The following RFX2 variants were observed in gnomAD, a reference collection of about 807,000 sequenced individuals.
RFX2 encodes regulatory factor X2.
Under a neutral mutation model 87.8 loss-of-function variants are expected in RFX2, and 20 were observed. That is an observed-to-expected ratio of 0.23 (90% CI 0.16 to 0.33). RFX2 has a LOEUF of 0.33. RFX2 is among the 10% of genes least tolerant of loss of function. The pLI is 1.00. For missense variants in RFX2, 767 were observed against 1,012.3 expected, an observed-to-expected ratio of 0.76 and a Z score of 3.29; for synonymous variants, 397 against 431.3, an observed-to-expected ratio of 0.92 and a Z score of 0.98.
intron 1 of RFX2, among the ~76,000 whole-genome samples, chr19:6,067,235 T>C (rs2087527521): frequency 1.3e-5 from 2 of 152,146 alleles, no homozygotes; most frequent in South Asian, 2.1e-4. Flanking sequence ...GTAAAATGAA[T>C]CATGGATTAA....
chr19:6,038,524 A>AC (rs1439939929), intron 5 of RFX2, among the ~76,000 whole-genome samples: 1 of 152,054 alleles, frequency 6.6e-6, no homozygotes, highest in African/African-American at 2.4e-5. Context: ...TCTGCAAAGG[A>AC]CACTTTTTAG....
intron 1 of RFX2, among the ~76,000 whole-genome samples, chr19:6,080,218 G>A (rs1408643051): frequency 6.6e-6 from 1 of 151,502 alleles, no homozygotes; most frequent in Admixed American, 6.6e-5. Context: ...GTGTGTGTGT[G>A]TGTGTGTGTG....
chr19:6,002,707 G>A lies in RFX2; in HGVS notation c.1650+14C>T. 6.2e-7 allele frequency: 1 copy of A among 1,612,838 alleles called. No individual in the cohort carries two copies. The highest frequency in any genetic ancestry group is 1.1e-5 in the South Asian group (1 of 91,018). ...GGGAAGCCCGGGCCCTGGGGACGGT[G>A]TGGAGGAAGTCACCTGCACGTTGGC... On this transcript the variant is annotated intron_variant, in intron 14 of 17. Transcript: ENST00000303657. This position sits in a 1 kb window ranked among gnomAD's most constrained non-coding sequence, Gnocchi z 6.7.
At chr19:6,019,512 ATGTGTGTGTGTGTGTGTGTG>A (rs147877773) in intron 6 of RFX2, among the ~76,000 whole-genome samples, 1 of 126,990 alleles carries the variant, frequency 7.9e-6, no homozygotes, top group East Asian at 2.2e-4. Flanking sequence ...GTGTGTGAGT[ATGTGTGTGTGTGTGTGTGTG>A]TGTGTGTGTG....
chr19:6,042,131 A>G lies in RFX2; in HGVS notation c.181-8T>C, dbSNP rs1296006347. ...GTGCTGCACCGGCTGCACCTGAAAC[A>G]TCGGATACGCTGCGTTACCGCCAGT... On this transcript the variant is annotated splice_polypyrimidine_tract_variant and splice_region_variant and intron_variant, in intron 3 of 17. Transcript: ENST00000303657. The G allele has an allele frequency of 6.2e-7, 1 of 1,613,364 alleles. No homozygotes were observed. The highest frequency in any genetic ancestry group is 8.5e-7 in the Non-Finnish European group (1 of 1,179,858).
chr19:6,091,126 G>A (rs959725090), intron 1 of RFX2, among the ~76,000 whole-genome samples: 2 of 152,180 alleles, frequency 1.3e-5, no homozygotes, highest in African/African-American at 4.8e-5. Context: ...GAATTAGAGA[G>A]TGATGATGGC....
At chr19:6,014,917 A>G (rs1282751526) in intron 7 of RFX2, among the ~76,000 whole-genome samples, 1 of 152,198 alleles carries the variant, frequency 6.6e-6, no homozygotes, top group Non-Finnish European at 1.5e-5. Flanking sequence ...CAACCCCACA[A>G]AAGCAGATGC....
rs1408766566 is a variant in RFX2, at chr19:6,002,266, T to G, written c.1651-243A>C. Among the ~76,000 whole-genome samples the G allele has an allele frequency of 2.0e-5, 3 of 152,234 alleles. No homozygotes were observed. The highest frequency in any genetic ancestry group is 7.2e-5 in the African/African-American group (3 of 41,462). ...TCTTTCTGGATCAAAGCTCATGCTATATGAGGTCTTTGTTTAGCTTTGTTT... is the reference window on the plus strand; with the variant it reads ...TCTTTCTGGATCAAAGCTCATGCTAGATGAGGTCTTTGTTTAGCTTTGTTT... On this transcript the variant is annotated intron_variant, in intron 14 of 17. Coordinates refer to ENST00000303657, the MANE Select transcript of RFX2 (RefSeq NM_000635.4). The surrounding 1 kb of genome is among the most constrained non-coding windows in gnomAD (Gnocchi z 6.7).
chr19:6,015,073 T>C (rs1568506979), intron 7 of RFX2, among the ~76,000 whole-genome samples: 2 of 152,138 alleles, frequency 1.3e-5, no homozygotes, highest in African/African-American at 4.8e-5. Flanking sequence ...CTGTGGCCTG[T>C]GATGTCCCGG....
intron 1 of RFX2, among the ~76,000 whole-genome samples, chr19:6,059,885 C>G (rs868815785): frequency 2.0e-5 from 3 of 152,258 alleles, no homozygotes; most frequent in South Asian, 2.1e-4. Context: ...TTTTCTTACT[C>G]CATACATTTT....
Position 6,004,166 on chromosome 19 carries a change from A to G in RFX2, c.1500+35T>C, listed in dbSNP as rs376319623. 52 of 1,519,588 alleles carry G rather than the reference A, an allele frequency of 3.4e-5. No homozygotes were observed. In the African/African-American group the frequency reaches 6.8e-4, roughly 20 times the overall value. 94.1% of individuals were successfully genotyped at this position (1,519,588 alleles called of 1,614,324 possible). A position where few individuals can be genotyped will look rare whatever the true frequency, so the allele number is the denominator to read the frequency against. On this transcript the variant is annotated intron_variant, in intron 13 of 17. Transcript: ENST00000303657. This position sits in a 1 kb window ranked among gnomAD's most constrained non-coding sequence, Gnocchi z 4.8. ...TCCTGGACTGGAGCCCCTCCCAGCC[A>G]TCGTTGGGGAGCCCAGGCCCCACCC...
At chr19:6,033,114 A>C (rs779093389) in intron 5 of RFX2, among the ~76,000 whole-genome samples, 3 of 152,232 alleles carry the variant, frequency 2.0e-5, no homozygotes, top group Middle Eastern at 3.4e-3. Flanking sequence ...AGCCACTGGG[A>C]TGACAGGCAT....
chr19:6,105,764 G>C (rs2088207004), intron 1 of RFX2, among the ~76,000 whole-genome samples: 1 of 152,110 alleles, frequency 6.6e-6, no homozygotes, highest in South Asian at 2.1e-4. Flanking sequence ...TTTGCTGATG[G>C]CTTGGGAGAG....
At position 6,027,715 on chromosome 19, in the gene RFX2, T is replaced by C. The variant is rs1275836752; in HGVS notation, c.523-1478A>G. ...TTTGGTCTATTAAAAAATACACTAT[T>C]ACAAAATTTTGAGATTTCACCACCC... On this transcript the variant is annotated intron_variant, in intron 5 of 17. Coordinates refer to ENST00000303657, the MANE Select transcript of RFX2 (RefSeq NM_000635.4). The surrounding 1 kb of genome is among the most constrained non-coding windows in gnomAD (Gnocchi z 5.0). Among the ~76,000 whole-genome samples, 1 of 152,206 alleles carries C rather than the reference T, an allele frequency of 6.6e-6. No homozygotes were observed. Among genetic ancestry groups the C allele is most frequent in the East Asian group, 1.9e-4 (1 of 5,192 alleles).
Position 6,047,126 on chromosome 19 carries a change from A to T in RFX2, c.90+281T>A, listed in dbSNP as rs1294017072. On this transcript the variant is annotated intron_variant, in intron 2 of 17. Coordinates refer to ENST00000303657, the MANE Select transcript of RFX2 (RefSeq NM_000635.4). This position sits in a 1 kb window ranked among gnomAD's most constrained non-coding sequence, Gnocchi z 4.2. ...AAAGGGTCATTTCCAAGTACAAGAA[A>T]ACCTCCACTGAAAGCTAAGAAGAGA... Among the ~76,000 whole-genome samples, 1 of 152,140 alleles carries T rather than the reference A, an allele frequency of 6.6e-6. No individual in the cohort carries two copies. The highest frequency in any genetic ancestry group is 1.9e-4 in the East Asian group (1 of 5,200).
In RFX2 at chr19:6,024,748, G is replaced by C. The variant is rs868464527; in HGVS notation, c.597+1415C>G. Among the ~76,000 whole-genome samples the C allele has an allele frequency of 1.3e-5, 2 of 151,332 alleles. No individual in the cohort carries two copies. The highest frequency in any genetic ancestry group is 4.9e-5 in the African/African-American group (2 of 41,026). ...ACGGGAGTGAGGACGGGATCACGGT[G>C]AGGACGGGAGTGAGGACGGGATCAC... On this transcript the variant is annotated intron_variant, in intron 6 of 17. Transcript: ENST00000303657. This position sits in a 1 kb window ranked among gnomAD's most constrained non-coding sequence, Gnocchi z 5.0.
chr19:6,086,828 T>C (rs953356044), intron 1 of RFX2, among the ~76,000 whole-genome samples: 3 of 152,154 alleles, frequency 2.0e-5, no homozygotes, highest in Non-Finnish European at 4.4e-5. Flanking sequence ...GATACAAACA[T>C]CACATGGGCA....
chr19:6,046,639 A>G (rs1331958615), intron 2 of RFX2, among the ~76,000 whole-genome samples: 1 of 75,264 alleles, frequency 1.3e-5, no homozygotes, highest in African/African-American at 4.7e-5. Context: ...TTTGTCACTT[A>G]GGTTGGAGAG....
chr19:6,016,310 T>G lies in RFX2; in HGVS notation c.598-39A>C. 1 of 1,511,732 alleles carries G rather than the reference T, an allele frequency of 6.6e-7. No homozygotes were observed. The highest frequency in any genetic ancestry group is 9.0e-7 in the Non-Finnish European group (1 of 1,108,380). The allele number at this position is 1,511,732 out of a possible 1,614,324, so 93.6% of individuals were successfully genotyped here. On this transcript the variant is annotated intron_variant, in intron 6 of 17. Transcript: ENST00000303657. The surrounding 1 kb of genome is among the most constrained non-coding windows in gnomAD (Gnocchi z 5.4). ...GACACGTCTGCGTTTGTCAGAAGCC[T>G]GAGGAACGCTAACATGCCAACGTGG... is the stretch of plus-strand genomic sequence containing the variant.
Sources: allele counts gnomAD v4.1 joint callset (sites outside exome capture counted in the v4.1 genomes callset), GRCh38; gene constraint gnomAD v4.1.1; non-coding constraint Gnocchi (gnomAD v3.1); transcripts MANE v1.5; gene names NCBI Gene and HGNC (gene_info 2026-07-23, HGNC 2026-07-21).